Variants in ST3GAL1 observed in about 807,000 individuals in gnomAD.
The protein encoded by ST3GAL1 is ST3 beta-galactoside alpha-2,3-sialyltransferase 1.
ST3GAL1 carries 16 observed loss-of-function variants against 34.1 expected under a neutral mutation model. The observed-to-expected ratio is 0.47, with a 90% CI of 0.32 to 0.71. The LOEUF is 0.71. ST3GAL1 is among the 30% of genes least tolerant of loss of function. ST3GAL1 has a pLI of 0.04. For synonymous variants in ST3GAL1, 191 were observed against 184.7 expected, an observed-to-expected ratio of 1.03 and a Z score of -0.28; for missense variants, 353 against 447.4, an observed-to-expected ratio of 0.79 and a Z score of 1.90.
At chr8:133,483,061 G>T (rs886977617) in intron 3 of ST3GAL1, among the ~76,000 whole-genome samples, 1 of 152,124 alleles carries the variant, frequency 6.6e-6, no homozygotes, top group Non-Finnish European at 1.5e-5. Context: ...GCTCACGCAG[G>T]CCGGGCATGG....
At chr8:133,499,964 AACAG>A (rs1310912322) in intron 2 of ST3GAL1, among the ~76,000 whole-genome samples, 3 of 152,208 alleles carry the variant, frequency 2.0e-5, no homozygotes, top group Middle Eastern at 3.2e-3. Context: ...ACTGGCAGGA[AACAG>A]ACAGCTAGGC....
intron 2 of ST3GAL1, among the ~76,000 whole-genome samples, chr8:133,540,117 C>A (rs1818422629): frequency 6.6e-6 from 1 of 152,104 alleles, no homozygotes; most frequent in African/African-American, 2.4e-5. Context: ...CCACTTGGAT[C>A]CATCCTCAAA....
At chr8:133,497,432 TCTCTC>T (rs921908978) in intron 3 of ST3GAL1, among the ~76,000 whole-genome samples, 1 of 151,452 alleles carries the variant, frequency 6.6e-6, no homozygotes, top group African/African-American at 2.4e-5. Flanking sequence ...ACACCTTTCT[TCTCTC>T]CCATGCAATT....
intron 1 of ST3GAL1, among the ~76,000 whole-genome samples, chr8:133,564,519 T>C (rs1240863205): frequency 2.1e-5 from 3 of 145,840 alleles, no homozygotes; most frequent in Admixed American, 6.9e-5. Context: ...AAAGAGAAAA[T>C]ACACACACAC....
chr8:133,469,124 C>G lies in ST3GAL1; in HGVS notation c.307-3034G>C, dbSNP rs999294461. Among the ~76,000 whole-genome samples, 16 of 152,306 alleles carry G rather than the reference C, an allele frequency of 1.1e-4. No homozygotes were observed. The highest frequency in any genetic ancestry group is 2.1e-4 in the Non-Finnish European group (14 of 68,030). ...TGGACGTGTGTGGAGAGTATGCTGCCTGCTTCACACAGCACCACATCATCC... is the reference window on the plus strand; with the variant it reads ...TGGACGTGTGTGGAGAGTATGCTGCGTGCTTCACACAGCACCACATCATCC... On this transcript the variant is annotated intron_variant, in intron 5 of 9. Transcript: ENST00000522652. The surrounding 1 kb of genome is among the most constrained non-coding windows in gnomAD (Gnocchi z 4.3).
intron 4 of ST3GAL1, 45 bp from the exon 5 acceptor site, chr8:133,476,119 T>A: frequency 7.2e-7 from 1 of 1,389,604 alleles, no homozygotes; most frequent in South Asian, 1.4e-5. Context: ...AGGTGGAGGC[T>A]CAATCAAAAG....
chr8:133,543,254 C>T (rs1402201991), intron 2 of ST3GAL1, among the ~76,000 whole-genome samples: 1 of 152,186 alleles, frequency 6.6e-6, no homozygotes, highest in Non-Finnish European at 1.5e-5. Flanking sequence ...CTGAACTTGT[C>T]AAAAAGGTTA....
intron 2 of ST3GAL1, among the ~76,000 whole-genome samples, chr8:133,519,010 C>T (rs748815192): frequency 7.2e-5 from 11 of 151,980 alleles, no homozygotes; most frequent in Non-Finnish European, 1.2e-4. Flanking sequence ...TAGAGCCCCT[C>T]GGAGGTGCAA....
chr8:133,527,853 C>A (rs1818022226), intron 2 of ST3GAL1, among the ~76,000 whole-genome samples: 1 of 152,120 alleles, frequency 6.6e-6, no homozygotes, highest in Non-Finnish European at 1.5e-5. Context: ...GGGGACTGAG[C>A]CCATTCCCAT....
intron 3 of ST3GAL1, among the ~76,000 whole-genome samples, chr8:133,478,567 C>A (rs1816265715): frequency 6.6e-6 from 1 of 152,168 alleles, no homozygotes; most frequent in Non-Finnish European, 1.5e-5. Context: ...TAACTTGAAG[C>A]AATGTGACTG....
At position 133,475,795 on chromosome 8, in the gene ST3GAL1, C is replaced by T. The variant is rs774388516; in HGVS notation, c.230G>A (p.Arg77Lys). 2 of 1,614,074 alleles carry T rather than the reference C, an allele frequency of 1.2e-6. No individual in the cohort carries two copies. Among genetic ancestry groups the T allele is most frequent in the Admixed American group, 3.3e-5 (2 of 60,008 alleles). Residue 77 changes from arginine (R) to lysine (K), a missense_variant, in exon 5 of 10, where the codon AGG becomes AAG. Transcript: ENST00000522652. The stretch of plus-strand genomic sequence containing the variant: ...CAGCGGCTGCATGGTCTGGTTGAAC[C>T]TCTCATCGAACCAGGCCGAGAGCTT... ...QRKLSAWFDE[R>K]FNQTMQPLLT...
Position 133,466,154 on chromosome 8 carries a change from C to G in ST3GAL1, c.307-64G>C. On this transcript the variant is annotated intron_variant, in intron 5 of 9. Coordinates refer to ENST00000522652, the MANE Select transcript of ST3GAL1 (RefSeq NM_173344.3). This position sits in a 1 kb window ranked among gnomAD's most constrained non-coding sequence, Gnocchi z 4.4. ...TGGCTCCAGCCTCCTGGCAGCAGAG[C>G]CCCTGAGCTACCTGCTGTCGTTTAC... The G allele has an allele frequency of 6.6e-7, 1 of 1,522,068 alleles. No homozygotes were observed. Among genetic ancestry groups the G allele is most frequent in the Non-Finnish European group, 8.9e-7 (1 of 1,122,994 alleles). 94.3% of individuals were successfully genotyped at this position (1,522,068 alleles called of 1,614,324 possible).
chr8:133,468,505 G>C (rs1815830122), intron 5 of ST3GAL1, among the ~76,000 whole-genome samples: 1 of 152,216 alleles, frequency 6.6e-6, no homozygotes, highest in African/African-American at 2.4e-5. Flanking sequence ...AATGGGGACA[G>C]AGTTTTTGCT....
At chr8:133,562,430 G>A (rs767715686) in intron 1 of ST3GAL1, among the ~76,000 whole-genome samples, 9 of 152,028 alleles carry the variant, frequency 5.9e-5, no homozygotes, top group African/African-American at 9.7e-5. Flanking sequence ...GGATGGTCTC[G>A]ATCTCTTGAT....
chr8:133,505,105 A>G (rs147820412), intron 2 of ST3GAL1, among the ~76,000 whole-genome samples: 4 of 152,288 alleles, frequency 2.6e-5, no homozygotes, highest in African/African-American at 9.6e-5. Context: ...GCAGTATCCA[A>G]TGCAGGATCC....
intron 3 of ST3GAL1, among the ~76,000 whole-genome samples, chr8:133,481,237 G>A (rs1816371424): frequency 6.6e-6 from 1 of 152,196 alleles, no homozygotes; most frequent in Non-Finnish European, 1.5e-5. Context: ...TGATGAGCAG[G>A]TACAGAAGTG....
At chr8:133,527,468 G>A (rs142579659) in intron 2 of ST3GAL1, among the ~76,000 whole-genome samples, 1 of 152,284 alleles carries the variant, frequency 6.6e-6, no homozygotes, top group East Asian at 1.9e-4. Context: ...ACGGTTATGA[G>A]CAAGGAGCCT....
At chr8:133,519,229 A>G (rs912753461) in intron 2 of ST3GAL1, among the ~76,000 whole-genome samples, 3 of 152,208 alleles carry the variant, frequency 2.0e-5, no homozygotes, top group African/African-American at 4.8e-5. Flanking sequence ...AGACACTGTG[A>G]TGCCAAGAAG....
At chr8:133,465,606 T>C (rs1177904404) in intron 6 of ST3GAL1, 2 of 340,376 alleles carry the variant, frequency 5.9e-6, no homozygotes, top group Admixed American at 9.0e-5. Context: ...CACATTAATT[T>C]TGCCCTCTCC....
Sources: gnomAD v4.1 joint callset for allele counts (sites outside exome capture counted in the v4.1 genomes callset) on GRCh38, gnomAD v4.1.1 for gene constraint, Gnocchi (gnomAD v3.1) non-coding constraint, MANE v1.5 for transcripts, NCBI Gene and HGNC (gene_info 2026-07-23, HGNC 2026-07-21) for gene names.